Variants in LOC400499 observed in about 807,000 individuals in gnomAD.
the LOC400499 span, among the ~76,000 whole-genome samples, chr16:11,405,526 A>G: frequency 6.6e-6 from 1 of 152,210 alleles, no homozygotes; most frequent in Non-Finnish European, 1.5e-5. Flanking sequence ...TTCTAGGCAG[A>G]TGGAAGAGCC....
chr16:11,425,569 G>A, the LOC400499 span: 1 of 397,618 alleles, frequency 2.5e-6, no homozygotes, highest in Non-Finnish European at 4.4e-6. Context: ...GTCAGAAATG[G>A]CACATTTGTG....
the LOC400499 span, chr16:11,385,564 C>T: frequency 4.3e-6 from 2 of 468,666 alleles, no homozygotes; most frequent in African/African-American, 2.0e-5. Context: ...GGCGCAGCAG[C>T]CAGAGGCCCA....
chr16:11,403,015 C>T, the LOC400499 span, among the ~76,000 whole-genome samples: 10 of 152,114 alleles, frequency 6.6e-5, no homozygotes, highest in Non-Finnish European at 2.9e-5. Context: ...CTCGCAACAA[C>T]AGATGGCCTC....
chr16:11,469,856 G>C, the LOC400499 span, among the ~76,000 whole-genome samples: 3 of 152,164 alleles, frequency 2.0e-5, no homozygotes, highest in Non-Finnish European at 4.4e-5. Flanking sequence ...AACGGCCAGG[G>C]AGAAGCGGCT....
At chr16:11,394,570 C>T in the LOC400499 span, among the ~76,000 whole-genome samples, 4 of 152,344 alleles carry the variant, frequency 2.6e-5, 1 homozygote, top group South Asian at 8.3e-4. Flanking sequence ...AGGTTGAAGC[C>T]CTAACCTTCT....
chr16:11,447,269 C>T, the LOC400499 span, among the ~76,000 whole-genome samples: 20 of 152,286 alleles, frequency 1.3e-4, no homozygotes, highest in African/African-American at 4.8e-4. Context: ...CTTGACTGTT[C>T]TGTGCCTCAG....
At chr16:11,469,590 G>A in the LOC400499 span, 3 of 398,952 alleles carry the variant, frequency 7.5e-6, no homozygotes, top group East Asian at 3.6e-5. Context: ...TGTCCACCCC[G>A]ACGTCCCTCA....
the LOC400499 span, among the ~76,000 whole-genome samples, chr16:11,433,961 G>A: frequency 1.2e-4 from 18 of 152,058 alleles, no homozygotes; most frequent in African/African-American, 3.1e-4. Flanking sequence ...AGCCATTTTC[G>A]CGAATGATCA....
chr16:11,396,309 G>C, the LOC400499 span: 1 of 436,952 alleles, frequency 2.3e-6, no homozygotes, highest in African/African-American at 2.0e-5. Context: ...CTTGGCGCCA[G>C]GGCCAGGCCT....
the LOC400499 span, among the ~76,000 whole-genome samples, chr16:11,430,503 G>GA: frequency 8.0e-5 from 12 of 150,722 alleles, no homozygotes; most frequent in South Asian, 2.1e-4. Context: ...AAAAGAAAAC[G>GA]AAAAAAAAGA....
the LOC400499 span, chr16:11,508,597 T>A: frequency 5.0e-6 from 2 of 396,620 alleles, no homozygotes; most frequent in East Asian, 7.1e-5. Context: ...CACCCATAGG[T>A]GACAGCCCTG....
the LOC400499 span, among the ~76,000 whole-genome samples, chr16:11,458,170 C>T: frequency 0.42 from 63,978 of 152,068 alleles, 14,119 homozygotes; most frequent in Non-Finnish European, 0.5. Context: ...CATGGCAAAG[C>T]CCCATCTCTA....
the LOC400499 span, among the ~76,000 whole-genome samples, chr16:11,526,991 T>C: frequency 1.3e-5 from 2 of 152,108 alleles, no homozygotes; most frequent in African/African-American, 2.4e-5. Flanking sequence ...AAACAAAAGG[T>C]GGCAGCGGAA....
At chr16:11,493,652 A>AGCAGGGGACCCTTCGGAAGGCCTGC in the LOC400499 span, 21 of 397,148 alleles carry the variant, frequency 5.3e-5, no homozygotes, top group Non-Finnish European at 8.9e-5. Context: ...ACGTCTGCAG[A>AGCAGGGGACCCTTCGGAAGGCCTGC]GCAGGGGACC....
the LOC400499 span, among the ~76,000 whole-genome samples, chr16:11,415,362 C>A: frequency 6.6e-6 from 1 of 152,230 alleles, no homozygotes; most frequent in Non-Finnish European, 1.5e-5. Context: ...CCAAGTGACA[C>A]TCAGCCAGGC....
chr16:11,491,573 C>G, the LOC400499 span: 7 of 386,674 alleles, frequency 1.8e-5, no homozygotes, highest in Non-Finnish European at 9.1e-6. Flanking sequence ...AACAGGGGAA[C>G]AAGAACACAG....
the LOC400499 span, chr16:11,398,651 A>C: frequency 1.8e-6 from 1 of 549,802 alleles, no homozygotes; most frequent in Non-Finnish European, 2.7e-6. Context: ...GCACCCCCTT[A>C]CACTCTGCGG....
chr16:11,494,679 C>A, the LOC400499 span: 16 of 399,448 alleles, frequency 4.0e-5, no homozygotes, highest in Non-Finnish European at 6.2e-5. Context: ...CAGGGCCCGT[C>A]CAGAGAAGCA....
At chr16:11,396,792 G>A in the LOC400499 span, 17 of 803,036 alleles carry the variant, frequency 2.1e-5, no homozygotes, top group South Asian at 6.6e-5. Flanking sequence ...CACACCTGTC[G>A]CAGCTCACAG....
Sources: allele counts gnomAD v4.1 joint callset (sites outside exome capture counted in the v4.1 genomes callset), GRCh38; gene constraint gnomAD v4.1.1; transcripts MANE v1.5.